The following MTCL1 variants were observed in gnomAD, a reference collection of about 807,000 sequenced individuals.
The protein encoded by MTCL1 is microtubule crosslinking factor 1.
In MTCL1, 79 loss-of-function variants were observed where a neutral mutation model predicts 141.4. That is an observed-to-expected ratio of 0.56 (90% CI 0.47 to 0.67). The LOEUF (loss-of-function observed/expected upper bound fraction) is 0.67. MTCL1 is among the 30% of genes least tolerant of loss of function. The pLI, the probability that MTCL1 is intolerant of heterozygous loss-of-function variation, is 0.00. For synonymous variants in MTCL1, 914 were observed against 875.8 expected, an observed-to-expected ratio of 1.04 and a Z score of -0.77; for missense variants, 2,177 against 2,113.9, an observed-to-expected ratio of 1.03 and a Z score of -0.59.
exon 15 of MTCL1, chr18:8,825,119 C>T: frequency 4.4e-6 from 7 of 1,597,154 alleles, no homozygotes; most frequent in Non-Finnish European, 6.0e-6. Flanking sequence ...GCAGGGTCGA[C>T]AGCATCACGG....
exon 15 of MTCL1, chr18:8,824,856 T>A (rs2076963443): frequency 6.2e-7 from 1 of 1,614,000 alleles, no homozygotes; most frequent in Non-Finnish European, 8.5e-7. Context: ...CAACAAGAGC[T>A]GGGACTACAC....
At chr18:8,763,423 T>G (rs1469826424) in intron 4 of MTCL1, among the ~76,000 whole-genome samples, 1 of 152,214 alleles carries the variant, frequency 6.6e-6, no homozygotes, top group African/African-American at 2.4e-5. Context: ...TGGATGCCAG[T>G]TCACTTCCAA....
chr18:8,761,684 A>G (rs556428727), intron 4 of MTCL1, among the ~76,000 whole-genome samples: 7 of 152,362 alleles, frequency 4.6e-5, no homozygotes, highest in East Asian at 3.9e-4. Flanking sequence ...AGACCTTACA[A>G]TCATGGTGGA....
chr18:8,763,662 T>C (rs993973324), intron 4 of MTCL1, among the ~76,000 whole-genome samples: 5 of 152,392 alleles, frequency 3.3e-5, no homozygotes, highest in South Asian at 2.1e-4. Flanking sequence ...CTCATTTGAT[T>C]TTAATATGTT....
exon 17 of MTCL1, chr18:8,831,697 G>A: frequency 6.4e-7 from 1 of 1,550,452 alleles, no homozygotes. Flanking sequence ...GTCCCGTTGG[G>A]CCCCACATTC....
chr18:8,804,606 T>G (rs1304836730), intron 10 of MTCL1, among the ~76,000 whole-genome samples: 1 of 152,192 alleles, frequency 6.6e-6, no homozygotes, highest in African/African-American at 2.4e-5. Flanking sequence ...ACTTGTACTC[T>G]TAATGCCTTT....
At chr18:8,733,262 CT>C (rs1429593873) in intron 4 of MTCL1, among the ~76,000 whole-genome samples, 1 of 152,094 alleles carries the variant, frequency 6.6e-6, no homozygotes, top group Non-Finnish European at 1.5e-5. Flanking sequence ...ATTAGTAAAG[CT>C]TTTTTTCATA....
At chr18:8,764,701 T>C (rs1312214087) in intron 4 of MTCL1, among the ~76,000 whole-genome samples, 3 of 152,172 alleles carry the variant, frequency 2.0e-5, no homozygotes, top group Non-Finnish European at 2.9e-5. Context: ...TGAGCATCCA[T>C]GTCCTTAATT....
intron 4 of MTCL1, among the ~76,000 whole-genome samples, chr18:8,766,813 C>G (rs1353698833): frequency 2.6e-5 from 4 of 152,158 alleles, no homozygotes; most frequent in African/African-American, 9.7e-5. Context: ...TCTGTTCTGC[C>G]CTATGCCCAT....
At chr18:8,817,641 T>TA (rs557526186) in intron 12 of MTCL1, among the ~76,000 whole-genome samples, 84 of 151,564 alleles carry the variant, frequency 5.5e-4, no homozygotes, top group Non-Finnish European at 9.3e-4. Flanking sequence ...TAGTGATGCT[T>TA]AAAAAAAAAT....
At chr18:8,795,105 AC>A (rs748208867) in intron 8 of MTCL1, among the ~76,000 whole-genome samples, 19 of 152,176 alleles carry the variant, frequency 1.2e-4, no homozygotes, top group Non-Finnish European at 2.5e-4. Flanking sequence ...TTCAGCCAAA[AC>A]TACAGTAAAG....
At chr18:8,726,469 A>AG (rs554496963) in intron 4 of MTCL1, among the ~76,000 whole-genome samples, 1,334 of 133,134 alleles carry the variant, frequency 0.01, 28 homozygotes, top group African/African-American at 0.037. Flanking sequence ...GGTGAGAATA[A>AG]GAGGAGAGAG....
chr18:8,722,243 G>A (rs566134757), intron 4 of MTCL1, among the ~76,000 whole-genome samples: 5 of 152,264 alleles, frequency 3.3e-5, no homozygotes, highest in South Asian at 2.1e-4. Flanking sequence ...CTGGAACAAC[G>A]TGGGGATTGG....
intron 11 of MTCL1, 32 bp from the exon 11 acceptor site, chr18:8,812,943 CAGAG>C: frequency 6.3e-7 from 1 of 1,584,030 alleles, no homozygotes; most frequent in Non-Finnish European, 8.6e-7. Flanking sequence ...CAAGACTTGT[CAGAG>C]AGGGAATTCC....
At chr18:8,793,949 AT>A (rs2075824428) in intron 8 of MTCL1, among the ~76,000 whole-genome samples, 1 of 152,220 alleles carries the variant, frequency 6.6e-6, no homozygotes, top group Non-Finnish European at 1.5e-5. Context: ...AGGCCATGTG[AT>A]TTAAATGGGT....
chr18:8,762,126 G>A (rs2096435350), intron 4 of MTCL1, among the ~76,000 whole-genome samples: 1 of 152,186 alleles, frequency 6.6e-6, no homozygotes, highest in Non-Finnish European at 1.5e-5. Flanking sequence ...ATTGTGAATT[G>A]TGCTCCTGTG....
At chr18:8,799,024 A>G (rs1349670547) in intron 10 of MTCL1, among the ~76,000 whole-genome samples, 2 of 152,222 alleles carry the variant, frequency 1.3e-5, no homozygotes, top group African/African-American at 2.4e-5. Flanking sequence ...AAAGCTGCTC[A>G]GGGGGCTCCT....
chr18:8,757,718 G>C (rs1288954936), intron 4 of MTCL1, among the ~76,000 whole-genome samples: 3 of 152,194 alleles, frequency 2.0e-5, no homozygotes, highest in South Asian at 2.1e-4. Context: ...TTTTTTTCAG[G>C]AGTATTGTCA....
chr18:8,829,615 T>C (rs887182537), intron 16 of MTCL1: 9 of 985,224 alleles, frequency 9.1e-6, no homozygotes, highest in Admixed American at 6.1e-5. Flanking sequence ...AGAAAAGATA[T>C]ACTTTTTGAT....
Sources: allele counts gnomAD v4.1 joint callset (sites outside exome capture counted in the v4.1 genomes callset), GRCh38; gene constraint gnomAD v4.1.1; transcripts MANE v1.5; gene names NCBI Gene and HGNC (gene_info 2026-07-23, HGNC 2026-07-21).